The following MEIKIN variants were observed in gnomAD, a reference collection of about 807,000 sequenced individuals.
MEIKIN encodes the protein meiosis-specific kinetochore protein.
intron 9 of MEIKIN, among the ~76,000 whole-genome samples, chr5:131,868,161 T>C (rs1445491996): frequency 1.3e-5 from 2 of 152,090 alleles, no homozygotes; most frequent in African/African-American, 2.4e-5. Flanking sequence ...ATGATCACAG[T>C]TCATTGCAGC....
intron 9 of MEIKIN, among the ~76,000 whole-genome samples, chr5:131,865,222 T>A (rs987108723): frequency 3.5e-4 from 30 of 84,798 alleles, no homozygotes; most frequent in Non-Finnish European, 4.1e-4. Flanking sequence ...TGGGATTTTG[T>A]GATTTTTTTT....
At chr5:131,940,872 T>TCGAAGAAGATATAA (rs1751857740) in intron 4 of MEIKIN, among the ~76,000 whole-genome samples, 1 of 152,180 alleles carries the variant, frequency 6.6e-6, no homozygotes, top group Non-Finnish European at 1.5e-5. Flanking sequence ...ACTACATCTT[T>TCGAAGAAGATATAA]TACTTTTTTC....
chr5:131,938,008 C>T (rs925180562), intron 4 of MEIKIN, among the ~76,000 whole-genome samples: 2 of 151,804 alleles, frequency 1.3e-5, no homozygotes, highest in Non-Finnish European at 2.9e-5. Context: ...TCTAGCTTTG[C>T]GTGTTTAATA....
At chr5:131,912,306 A>ATAT (rs558084181) in intron 7 of MEIKIN, among the ~76,000 whole-genome samples, 91 of 150,216 alleles carry the variant, frequency 6.1e-4, no homozygotes, top group African/African-American at 1.9e-3. Flanking sequence ...TATTATTATT[A>ATAT]TATTATTATT....
intron 5 of MEIKIN, among the ~76,000 whole-genome samples, chr5:131,925,194 T>C (rs1157318241): frequency 6.6e-6 from 1 of 152,208 alleles, no homozygotes; most frequent in South Asian, 2.1e-4. Context: ...AGCATTGCAA[T>C]GTATTTTGAA....
intron 12 of MEIKIN, among the ~76,000 whole-genome samples, chr5:131,815,736 C>T (rs1055521466): frequency 6.6e-5 from 10 of 152,224 alleles, no homozygotes; most frequent in African/African-American, 2.4e-4. Flanking sequence ...TTAATTTTAT[C>T]ATACCCTGTG....
chr5:131,892,239 T>C (rs1351658702), intron 8 of MEIKIN, among the ~76,000 whole-genome samples: 1 of 152,204 alleles, frequency 6.6e-6, no homozygotes. Flanking sequence ...GTTCTCTGTA[T>C]TTCCTGAATG....
At chr5:131,883,612 C>T (rs748803945) in intron 8 of MEIKIN, among the ~76,000 whole-genome samples, 24 of 152,220 alleles carry the variant, frequency 1.6e-4, no homozygotes, top group Non-Finnish European at 3.4e-4. Flanking sequence ...GCAAGATGGC[C>T]GAACAGAAGA....
At chr5:131,911,388 C>T (rs570865749) in intron 8 of MEIKIN, among the ~76,000 whole-genome samples, 1 of 152,038 alleles carries the variant, frequency 6.6e-6, no homozygotes, top group African/African-American at 2.4e-5. Context: ...AAATGTCTTG[C>T]TAAATTTATC....
intron 8 of MEIKIN, among the ~76,000 whole-genome samples, chr5:131,887,381 G>A (rs1338536000): frequency 6.6e-6 from 1 of 152,100 alleles, no homozygotes; most frequent in Non-Finnish European, 1.5e-5. Context: ...GGGTCAAATG[G>A]TATTTCTAGT....
At chr5:131,846,209 A>G (rs1378155290) in intron 11 of MEIKIN, among the ~76,000 whole-genome samples, 1 of 152,232 alleles carries the variant, frequency 6.6e-6, no homozygotes, top group Non-Finnish European at 1.5e-5. Flanking sequence ...AAATTAAGAC[A>G]TTCCCAGATA....
chr5:131,903,097 TA>T (rs1313367962), intron 8 of MEIKIN, among the ~76,000 whole-genome samples: 1 of 151,554 alleles, frequency 6.6e-6, no homozygotes. Context: ...CAGATAAAAA[TA>T]AAGAAGAAAC....
At chr5:131,913,169 T>G (rs2149644245) in intron 7 of MEIKIN, among the ~76,000 whole-genome samples, 1 of 152,334 alleles carries the variant, frequency 6.6e-6, no homozygotes, top group African/African-American at 2.4e-5. Flanking sequence ...TTGCTGCTTT[T>G]TATCATCTCC....
rs550183548 is a variant in MEIKIN at position 131,814,302 on chromosome 5, G to T, written c.1099+4438C>A. Among the ~76,000 whole-genome samples, 203 of 147,300 alleles carry T rather than the reference G, an allele frequency of 1.4e-3. 1 individual carries two copies. The highest frequency in any genetic ancestry group is 4.8e-3 in the African/African-American group (192 of 39,726). On this transcript the variant is annotated intron_variant, in intron 12 of 12. Coordinates refer to ENST00000442687, the MANE Select transcript of MEIKIN (RefSeq NM_001303622.2). ...TCTTTTTTTTTTTTTTTTGAGACAG[G>T]ATCTCACTCTATTGCTCAGGCTGCA...
intron 12 of MEIKIN, among the ~76,000 whole-genome samples, chr5:131,815,783 T>C (rs1436289292): frequency 6.6e-6 from 1 of 152,216 alleles, no homozygotes; most frequent in African/African-American, 2.4e-5. Context: ...ACCCAATCCA[T>C]GCAGGACTGC....
chr5:131,839,475 G>T (rs1749866658), intron 11 of MEIKIN, among the ~76,000 whole-genome samples: 1 of 152,140 alleles, frequency 6.6e-6, no homozygotes, highest in Non-Finnish European at 1.5e-5. Context: ...GACTATTATT[G>T]TGTGAAAGTC....
At chr5:131,924,636 C>A (rs1751560304) in intron 5 of MEIKIN, among the ~76,000 whole-genome samples, 1 of 152,048 alleles carries the variant, frequency 6.6e-6, no homozygotes, top group Non-Finnish European at 1.5e-5. Context: ...GGAGAAATAT[C>A]TATTCAAGTT....
At chr5:131,838,609 A>G (rs561209868) in intron 11 of MEIKIN, among the ~76,000 whole-genome samples, 25 of 152,120 alleles carry the variant, frequency 1.6e-4, no homozygotes, top group African/African-American at 5.8e-4. Context: ...GAATTTATCC[A>G]TTTATTCCAG....
At chr5:131,843,357 T>C (rs1019988342) in intron 11 of MEIKIN, among the ~76,000 whole-genome samples, 2 of 152,242 alleles carry the variant, frequency 1.3e-5, no homozygotes, top group Non-Finnish European at 2.9e-5. Flanking sequence ...AAAATGGGTT[T>C]TTCTTTTCTA....
Sources: allele counts gnomAD v4.1 joint callset (sites outside exome capture counted in the v4.1 genomes callset), GRCh38; gene constraint gnomAD v4.1.1; transcripts MANE v1.5; gene names NCBI Gene and HGNC (gene_info 2026-07-23, HGNC 2026-07-21).